EFCAB6: variants seen among roughly 807,000 people sequenced by gnomAD.
EFCAB6 encodes the protein EF-hand calcium binding domain 6, also known as EF-hand calcium-binding domain-containing protein 6.
In EFCAB6, 156 loss-of-function variants were observed where a neutral mutation model predicts 169.8. The ratio of observed to expected loss-of-function variants is 0.92; its 90% CI spans 0.81 to 1.05. The LOEUF (loss-of-function observed/expected upper bound fraction) is 1.05, where lower values mean the gene tolerates loss of function less well. Among genes scored for constraint, EFCAB6 ranks in the 50% least tolerant of loss-of-function variants. The pLI is 0.00. For synonymous variants in EFCAB6, 698 were observed against 676.4 expected (o/e 1.03, Z -0.50); for missense variants, 1,800 against 1,829.1 (o/e 0.98, Z 0.29).
chr22:43,714,539 A>T (rs2147407780), intron 9 of EFCAB6, among the ~76,000 whole-genome samples: 1 of 151,946 alleles, frequency 6.6e-6, no homozygotes, highest in African/African-American at 2.4e-5. Context: ...CAAGAAAAAA[A>T]AAAAGCTTCA....
intron 23 of EFCAB6, among the ~76,000 whole-genome samples, chr22:43,593,772 C>T (rs1296892010): frequency 6.6e-6 from 1 of 152,028 alleles, no homozygotes; most frequent in African/African-American, 2.4e-5. Flanking sequence ...GTGAATCTTG[C>T]CTTTTGAAAT....
rs1163346832 is a variant in EFCAB6, at chr22:43,589,280, CAAAAAAAAAAAAAAAAAAA to C, written c.3032+775_3032+793del. Among the ~76,000 whole-genome samples, 194 of 80,920 alleles carry C rather than the reference CAAAAAAAAAAAAAAAAAAA, an allele frequency of 2.4e-3. 1 individual carries two copies. Among genetic ancestry groups the C allele is most frequent in the African/African-American group, 0.011 (149 of 13,340 alleles). The allele number at this position is 80,920 out of a possible 152,430, so 53.1% of individuals were successfully genotyped here. A position where few individuals can be genotyped will look rare whatever the true frequency, so the allele number is the denominator to read the frequency against. On this transcript the variant is annotated intron_variant, in intron 24 of 31. Transcript: ENST00000262726. ...TGGGTAACAGAGGGAGACTTCATGT[CAAAAAAAAAAAAAAAAAAA>C]AAAAAAAAAAAAAAAAAAAAAAGAA...
chr22:43,548,118 C>G (rs975673735), intron 27 of EFCAB6, among the ~76,000 whole-genome samples: 1 of 151,854 alleles, frequency 6.6e-6, no homozygotes, highest in Admixed American at 6.6e-5. Context: ...ATAAATAAAA[C>G]GATATAAAAG....
chr22:43,780,851 G>A (rs1208360340), intron 3 of EFCAB6, among the ~76,000 whole-genome samples: 1 of 152,084 alleles, frequency 6.6e-6, no homozygotes, highest in Non-Finnish European at 1.5e-5. Context: ...AGCATGACTG[G>A]GATGGCTTCA....
intron 10 of EFCAB6, among the ~76,000 whole-genome samples, chr22:43,697,301 C>T (rs2058610601): frequency 6.6e-6 from 1 of 152,140 alleles, no homozygotes; most frequent in South Asian, 2.1e-4. Context: ...AAATTAATTT[C>T]AAAGGTTTCT....
At chr22:43,681,742 C>A (rs182648647) in intron 12 of EFCAB6, among the ~76,000 whole-genome samples, 76 of 152,088 alleles carry the variant, frequency 5.0e-4, no homozygotes, top group African/African-American at 1.8e-3. Context: ...ATTATTAATT[C>A]TAATGTTTTC....
chr22:43,613,050 G>A (rs893057226), intron 21 of EFCAB6, among the ~76,000 whole-genome samples: 5 of 149,682 alleles, frequency 3.3e-5, no homozygotes, highest in Admixed American at 2.0e-4. Context: ...ACTACCATTC[G>A]ACCCAGCAAT....
intron 13 of EFCAB6, among the ~76,000 whole-genome samples, chr22:43,672,872 AAAAT>A (rs1382316080): frequency 7.1e-6 from 1 of 140,444 alleles, no homozygotes; most frequent in Non-Finnish European, 1.6e-5. Flanking sequence ...CCCTGAACTT[AAAAT>A]AAAAGTTAAA....
chr22:43,690,228 G>A (rs1235168334), intron 10 of EFCAB6, among the ~76,000 whole-genome samples: 1 of 151,824 alleles, frequency 6.6e-6, no homozygotes, highest in Non-Finnish European at 1.5e-5. Context: ...GGCTGGGCGC[G>A]GTGGCTCACG....
At chr22:43,580,914 G>A (rs1438667513) in intron 24 of EFCAB6, among the ~76,000 whole-genome samples, 1 of 152,228 alleles carries the variant, frequency 6.6e-6, no homozygotes, top group Admixed American at 6.5e-5. Flanking sequence ...ACAGCTGCCC[G>A]ACCTGAAGAC....
chr22:43,627,731 G>A (rs1028841646), intron 19 of EFCAB6, among the ~76,000 whole-genome samples: 1 of 152,124 alleles, frequency 6.6e-6, no homozygotes, highest in Non-Finnish European at 1.5e-5. Context: ...CTGCTCTGGC[G>A]GCATTGCGCT....
chr22:43,622,488 C>T (rs1161601021), intron 20 of EFCAB6, among the ~76,000 whole-genome samples: 3 of 152,116 alleles, frequency 2.0e-5, no homozygotes, highest in African/African-American at 7.2e-5. Context: ...ATCGCTTGAA[C>T]CTGGGAGGCG....
chr22:43,541,883 A>C (rs2047751031), intron 27 of EFCAB6, among the ~76,000 whole-genome samples: 1 of 152,232 alleles, frequency 6.6e-6, no homozygotes, highest in Admixed American at 6.5e-5. Context: ...GGCAAAGGGG[A>C]AGGCACACAG....
chr22:43,672,504 G>C (rs1412919521), intron 13 of EFCAB6, among the ~76,000 whole-genome samples, 199 bp from the exon 14 acceptor site: 1 of 152,126 alleles, frequency 6.6e-6, no homozygotes, highest in Non-Finnish European at 1.5e-5. Context: ...ATACTATGCA[G>C]ACATAAAAAG....
At chr22:43,649,087 A>C (rs2056331553) in intron 17 of EFCAB6, among the ~76,000 whole-genome samples, 2 of 152,238 alleles carry the variant, frequency 1.3e-5, no homozygotes, top group Admixed American at 1.3e-4. Flanking sequence ...GGTCAGATTA[A>C]GAGGGATACA....
At chr22:43,685,457 A>G (rs976005712) in intron 11 of EFCAB6, among the ~76,000 whole-genome samples, 58 of 152,192 alleles carry the variant, frequency 3.8e-4, no homozygotes, top group African/African-American at 1.2e-3. Context: ...TGCCTTGGAC[A>G]TCGGAAATTT....
chr22:43,714,847 G>A (rs984699782), intron 9 of EFCAB6, among the ~76,000 whole-genome samples: 1 of 152,090 alleles, frequency 6.6e-6, no homozygotes, highest in Non-Finnish European at 1.5e-5. Flanking sequence ...TCAAAATAAA[G>A]AACTCTGAGA....
chr22:43,800,954 G>C (rs78312634), intron 2 of EFCAB6, among the ~76,000 whole-genome samples: 2,701 of 152,172 alleles, frequency 0.018, 72 homozygotes, highest in African/African-American at 0.062. Context: ...TCCAAGACTT[G>C]AGAAAGATAT....
chr22:43,662,658 G>GA (rs148861943), intron 17 of EFCAB6, among the ~76,000 whole-genome samples: 6,861 of 152,158 alleles, frequency 0.045, 541 homozygotes, highest in African/African-American at 0.16. Flanking sequence ...AGGACAGGAA[G>GA]AATTAAAAAG....
Sources: gnomAD v4.1 joint callset for allele counts (sites outside exome capture counted in the v4.1 genomes callset) on GRCh38, gnomAD v4.1.1 for gene constraint, MANE v1.5 for transcripts, NCBI Gene and HGNC (gene_info 2026-07-23, HGNC 2026-07-21) for gene names.